KIF20B: variants seen among roughly 807,000 people sequenced by gnomAD.
The protein encoded by KIF20B is kinesin-like protein KIF20B.
Under a neutral mutation model 232.5 loss-of-function variants are expected in KIF20B, and 188 were observed. The ratio of observed to expected loss-of-function variants is 0.81; its 90% CI spans 0.72 to 0.91. The LOEUF is 0.91. KIF20B is among the 40% of genes least tolerant of loss of function. KIF20B has a pLI of 0.00. For missense variants in KIF20B, 2,154 were observed against 2,055.9 expected, an observed-to-expected ratio of 1.05 and a Z score of -0.92; for synonymous variants, 712 against 683.0, an observed-to-expected ratio of 1.04 and a Z score of -0.66.
At chr10:89,720,930 G>A (rs534179421) in intron 13 of KIF20B, among the ~76,000 whole-genome samples, 19 of 152,198 alleles carry the variant, frequency 1.2e-4, no homozygotes, top group African/African-American at 2.2e-4. Flanking sequence ...GGCTGGTCTC[G>A]AACTCCTGAC....
intron 9 of KIF20B, 148 bp downstream of exon 9, chr10:89,716,695 C>G: frequency 1.7e-6 from 1 of 587,634 alleles, no homozygotes; most frequent in South Asian, 2.2e-5. Flanking sequence ...TACAGAATAA[C>G]ACTAAACACG....
rs938519006 is a variant in KIF20B, at chr10:89,737,487, A to G, written c.2646A>G (p.Glu882=). ...AEIEDIRVLQ[E]NNEGLRAFLL... The stretch of plus-strand genomic sequence containing the variant: ...TTGAAGACATCAGAGTTTTACAAGA[A>G]AATAATGAAGGACTGAGAGCATTTT... Residue 882 remains glutamate, a synonymous_variant, in exon 20 of 33, where the codon GAA becomes GAG. Transcript: ENST00000371728. The G allele has an allele frequency of 5.6e-6, 9 of 1,609,416 alleles. No homozygotes were observed. Among genetic ancestry groups the G allele is most frequent in the Middle Eastern group, 1.7e-4 (1 of 6,060 alleles).
At chr10:89,738,934 A>G in intron 20 of KIF20B, 24 bp from the exon 21 acceptor site, 4 of 1,603,192 alleles carry the variant, frequency 2.5e-6, no homozygotes, top group Non-Finnish European at 3.4e-6. Context: ...GCATTACCAT[A>G]GAAAAGTGGT....
At chr10:89,742,571 CA>C (rs1409773219) in intron 21 of KIF20B, among the ~76,000 whole-genome samples, 2 of 151,528 alleles carry the variant, frequency 1.3e-5, no homozygotes, top group African/African-American at 4.9e-5. Context: ...TTTTTTTAAA[CA>C]AAATTAGCAA....
chr10:89,767,688 C>A (rs1310004754), intron 29 of KIF20B, among the ~76,000 whole-genome samples: 1 of 151,928 alleles, frequency 6.6e-6, no homozygotes, highest in Non-Finnish European at 1.5e-5. Flanking sequence ...AGATGCCATA[C>A]CCATGTTGTA....
rs76057302 is a variant in KIF20B, at chr10:89,738,150, G to C, written c.3309G>C (p.Lys1103Asn). 1 of 1,326,770 alleles carries C rather than the reference G, an allele frequency of 7.5e-7. No individual in the cohort carries two copies. The allele number at this position is 1,326,770 out of a possible 1,614,324, so 82.2% of individuals were successfully genotyped here. Reference protein sequence around the residue: ...KGYKDENNRLKEKEHKNQDDL... With the variant: ...KGYKDENNRLNEKEHKNQDDL... ...ATAAGGATGAAAACAATAGACTAAA[G>C]GAGAAGGAGCATAAAAACCAAGATG... Residue 1103 changes from lysine (K) to asparagine (N), a missense_variant, in exon 20 of 33, where the codon AAG (lysine) becomes AAC (asparagine). Coordinates refer to ENST00000371728, the MANE Select transcript of KIF20B (RefSeq NM_001284259.2).
chr10:89,721,607 C>G (rs1843059072), intron 13 of KIF20B, among the ~76,000 whole-genome samples: 1 of 151,986 alleles, frequency 6.6e-6, no homozygotes, highest in East Asian at 1.9e-4. Flanking sequence ...GATTTCTAGG[C>G]AGCAGTGAGC....
chr10:89,734,717 T>G (rs1841607913), intron 19 of KIF20B, among the ~76,000 whole-genome samples: 1 of 152,124 alleles, frequency 6.6e-6, no homozygotes, highest in East Asian at 1.9e-4. Flanking sequence ...ATCTCACAAC[T>G]AGGATGCACA....
intron 2 of KIF20B, among the ~76,000 whole-genome samples, chr10:89,707,602 CTTCCCTTTTTCT>C (rs1043859988): frequency 6.8e-6 from 1 of 146,296 alleles, no homozygotes; most frequent in African/African-American, 2.5e-5. Context: ...TTCCTTTTCT[CTTCCCTTTTTCT>C]TTCCCTTACC....
At chr10:89,714,694 G>A (rs1224711791) in intron 7 of KIF20B, among the ~76,000 whole-genome samples, 1 of 152,022 alleles carries the variant, frequency 6.6e-6, no homozygotes, top group African/African-American at 2.4e-5. Context: ...AAAGACACTT[G>A]TTTTTCTTTG....
intron 5 of KIF20B, among the ~76,000 whole-genome samples, chr10:89,710,356 A>G (rs1473719311): frequency 6.6e-6 from 1 of 151,968 alleles, no homozygotes; most frequent in African/African-American, 2.4e-5. Flanking sequence ...CAGCTTCCCA[A>G]GTAGCTGGGA....
chr10:89,703,858 T>C (rs1282222336), intron 1 of KIF20B, among the ~76,000 whole-genome samples: 1 of 151,738 alleles, frequency 6.6e-6, no homozygotes, highest in Non-Finnish European at 1.5e-5. Flanking sequence ...GTTCAAGCGA[T>C]TCTCCTACCT....
At chr10:89,704,068 TATTTTA>T (rs1389836898) in intron 1 of KIF20B, among the ~76,000 whole-genome samples, 1 of 152,144 alleles carries the variant, frequency 6.6e-6, no homozygotes, top group Non-Finnish European at 1.5e-5. Flanking sequence ...TTTTAATTTT[TATTTTA>T]AACATTCATG....
In KIF20B at chr10:89,758,876, T is replaced by A; in HGVS notation, c.4674T>A (p.Ser1558=). ...EQLKRIISET[S]KIETQIMDIK... is the part of the protein sequence containing the mutation. The stretch of plus-strand genomic sequence containing the variant: ...TAAAAAGGATCATATCAGAGACTTC[T>A]AAAATAGTCAGTAGTCTTTTTTGCT... Residue 1558 remains serine (S), a synonymous_variant, in exon 27 of 33, where the codon TCT becomes TCA. Coordinates refer to ENST00000371728, the MANE Select transcript of KIF20B (RefSeq NM_001284259.2). The A allele has an allele frequency of 6.5e-7, 1 of 1,533,262 alleles. No individual in the cohort carries two copies. Among genetic ancestry groups the A allele is most frequent in the Non-Finnish European group, 8.8e-7 (1 of 1,138,582 alleles). 95.0% of individuals were successfully genotyped at this position (1,533,262 alleles called of 1,614,324 possible). A position where few individuals can be genotyped will look rare whatever the true frequency, so the allele number is the denominator to read the frequency against.
chr10:89,764,003 G>A (rs939147612), intron 29 of KIF20B, among the ~76,000 whole-genome samples: 1 of 150,944 alleles, frequency 6.6e-6, no homozygotes, highest in Non-Finnish European at 1.5e-5. Context: ...CCATCAACTT[G>A]TCATTTAGCA....
intron 9 of KIF20B, 87 bp from the exon 10 acceptor site, chr10:89,717,337 A>G (rs556780625): frequency 2.5e-6 from 2 of 814,894 alleles, no homozygotes; most frequent in South Asian, 1.8e-5. Context: ...ACTAGGGTAT[A>G]AATAAGATTG....
At chr10:89,761,958 C>G (rs1373141502) in intron 28 of KIF20B, among the ~76,000 whole-genome samples, 1 of 152,108 alleles carries the variant, frequency 6.6e-6, no homozygotes, top group Non-Finnish European at 1.5e-5. Context: ...AATCGATATA[C>G]TTAACTGGGC....
intron 13 of KIF20B, among the ~76,000 whole-genome samples, chr10:89,721,488 A>G (rs1160513551): frequency 6.6e-6 from 1 of 152,152 alleles, no homozygotes; most frequent in Non-Finnish European, 1.5e-5. Flanking sequence ...CCTGGGCAAC[A>G]TAGTGAGACC....
rs564643437 is a variant in KIF20B, at chr10:89,762,118, G to A, written c.4792-520G>A. Among the ~76,000 whole-genome samples the A allele has an allele frequency of 2.0e-5, 3 of 152,236 alleles. No individual in the cohort carries two copies. In the South Asian group the frequency reaches 6.2e-4, roughly 32 times the overall value. ...CATTTTGAGGGTGAGTGTCCTGAAA[G>A]TGTTCTAAGAGGACAGGACAGAAGT... On this transcript the variant is annotated intron_variant, in intron 28 of 32. Coordinates refer to ENST00000371728, the MANE Select transcript of KIF20B (RefSeq NM_001284259.2).
Sources: allele counts gnomAD v4.1 joint callset (sites outside exome capture counted in the v4.1 genomes callset), GRCh38; gene constraint gnomAD v4.1.1; transcripts MANE v1.5; gene names NCBI Gene and HGNC (gene_info 2026-07-23, HGNC 2026-07-21).